The following ZFHX4 variants were observed in gnomAD, a reference collection of about 807,000 sequenced individuals.
ZFHX4 encodes the protein zinc finger homeobox protein 4.
In ZFHX4, 56 loss-of-function variants were observed where a neutral mutation model predicts 267.6. The ratio of observed to expected loss-of-function variants is 0.21; its 90% CI spans 0.17 to 0.26. The LOEUF (loss-of-function observed/expected upper bound fraction) is 0.26. Ranked by LOEUF, ZFHX4 falls within the 10% of genes least tolerant of loss-of-function variation. The probability of loss-of-function intolerance (pLI) is 1.00; values close to 1 mark genes in which losing one functional copy is unlikely to be tolerated. For synonymous variants in ZFHX4, 1,778 were observed against 1,665.6 expected (o/e 1.07, Z -1.64); for missense variants, 4,332 against 4,420.0 (o/e 0.98, Z 0.56).
chr8:76,703,977 T>C (rs1808172255), intron 1 of ZFHX4, 66 bp from the exon 2 acceptor site: 1 of 1,093,900 alleles, frequency 9.1e-7, no homozygotes, highest in Non-Finnish European at 1.3e-6. Flanking sequence ...AAATTAGTGA[T>C]GGGCTATTAG....
At chr8:76,700,421 A>G (rs972646323) in intron 1 of ZFHX4, among the ~76,000 whole-genome samples, 4 of 152,122 alleles carry the variant, frequency 2.6e-5, no homozygotes, top group African/African-American at 2.4e-5. Flanking sequence ...GACAATCTCA[A>G]TTAAAAAACA....
At chr8:76,799,442 C>A (rs577949621) in intron 4 of ZFHX4, among the ~76,000 whole-genome samples, 3 of 152,100 alleles carry the variant, frequency 2.0e-5, no homozygotes, top group Admixed American at 6.5e-5. Context: ...TTTCACCAAG[C>A]CTTCAAGACG....
chr8:76,712,557 G>A (rs548109456), intron 3 of ZFHX4, among the ~76,000 whole-genome samples: 1 of 152,036 alleles, frequency 6.6e-6, no homozygotes, highest in South Asian at 2.1e-4. Flanking sequence ...CGGTGTGATG[G>A]TAAAGGAAGT....
rs181444254 is a variant in ZFHX4 at position 76,842,968 on chromosome 8, T to G, written c.3511+197T>G. ...TATCAGTAGCCTCCCATTGACCTAT[T>G]TTTAATCATAACCATCTGACAGAAT... is the stretch of plus-strand genomic sequence containing the variant. On this transcript the variant is annotated intron_variant, in intron 6 of 10. Transcript: ENST00000651372. Among the ~76,000 whole-genome samples, 798 of 152,322 alleles carry G rather than the reference T, an allele frequency of 5.2e-3. 8 individuals carry two copies. Among genetic ancestry groups the G allele is most frequent in the African/African-American group, 0.018 (761 of 41,582 alleles).
At position 76,855,886 on chromosome 8, in the gene ZFHX4, A is replaced by G; in HGVS notation, c.8965A>G (p.Ile2989Val). 1 of 1,613,848 alleles carries G rather than the reference A, an allele frequency of 6.2e-7. No homozygotes were observed. The highest frequency in any genetic ancestry group is 1.1e-5 in the South Asian group (1 of 91,066). The change falls in exon 10 of 11, where the codon ATT (isoleucine) becomes GTT (valine). Residue 2989 changes from isoleucine to valine, a missense_variant. Physicochemically the swap from Ile to Val is conservative, Grantham distance 29. Around this residue, in one of 7 missense-constraint regions of ZFHX4, gnomAD observed 1,648 missense variants for 1,625.0 expected, o/e 1.01. Transcript: ENST00000651372. The part of the protein sequence containing the change: ...NARAKEKKFK[I>V]NIGKPFMINQ... ...AAGGGCAAAGGAAAAGAAATTTAAA[A>G]TTAACATAGGGAAGCCTTTCATGAT...
rs1416866810 is a variant in ZFHX4, at chr8:76,865,176, A to C, written c.*611A>C. The C allele has an allele frequency of 2.0e-5, 3 of 152,686 alleles. No homozygotes were observed. Among genetic ancestry groups the C allele is most frequent in the Non-Finnish European group, 4.4e-5 (3 of 68,078 alleles). The allele number at this position is 152,686 out of a possible 1,614,324, so 9.5% of individuals were successfully genotyped here. ...CTGCAGGATAGTACAGTTTTACCGCAGAGGGAATCTGGAACAGTGGAATCA... is the reference window on the plus strand; with the variant it reads ...CTGCAGGATAGTACAGTTTTACCGCCGAGGGAATCTGGAACAGTGGAATCA... On this transcript the variant is annotated 3_prime_UTR_variant, in exon 11 of 11. Transcript: ENST00000651372.
intron 3 of ZFHX4, among the ~76,000 whole-genome samples, chr8:76,761,632 T>C (rs745865934): frequency 1.9e-4 from 29 of 152,182 alleles, no homozygotes; most frequent in Non-Finnish European, 3.2e-4. Context: ...TTGGACCTCA[T>C]AGAGATGAAA....
rs1807531177 is a variant in ZFHX4 at position 76,681,593 on chromosome 8, C to A, written c.-74C>A. ...AGCAAAACAAAAAAGAGGCGAAGAT[C>A]GAGTAGGAACTGCAGGGGAAATGGA... On this transcript the variant is annotated 5_prime_UTR_variant, in exon 1 of 11. Transcript: ENST00000651372. 5.0e-6 allele frequency: 2 copies of A among 397,162 alleles called. No individual in the cohort carries two copies. Among genetic ancestry groups the A allele is most frequent in the South Asian group, 1.3e-4 (1 of 7,570 alleles). 24.6% of individuals were successfully genotyped at this position (397,162 alleles called of 1,614,324 possible).
intron 4 of ZFHX4, among the ~76,000 whole-genome samples, chr8:76,827,567 C>T (rs1327883280): frequency 1.3e-5 from 2 of 151,992 alleles, no homozygotes; most frequent in Admixed American, 1.3e-4. Flanking sequence ...TGGAGAAATA[C>T]AATAGGAATT....
chr8:76,713,325 CAGATAGAT>C (rs955016279), intron 3 of ZFHX4, among the ~76,000 whole-genome samples: 7 of 137,294 alleles, frequency 5.1e-5, no homozygotes, highest in African/African-American at 8.8e-5. Flanking sequence ...AGATGATAGA[CAGATAGAT>C]AGATATCAAT....
At chr8:76,733,924 T>C (rs1809089138) in intron 3 of ZFHX4, among the ~76,000 whole-genome samples, 1 of 152,194 alleles carries the variant, frequency 6.6e-6, no homozygotes, top group African/African-American at 2.4e-5. Context: ...TCATTGAATG[T>C]CCTCATGCAT....
intron 4 of ZFHX4, among the ~76,000 whole-genome samples, chr8:76,796,750 T>G (rs1810989338): frequency 6.6e-6 from 1 of 152,158 alleles, no homozygotes; most frequent in South Asian, 2.1e-4. Context: ...TTTGTAATGT[T>G]TTTTTGAAAA....
chr8:76,822,324 C>T (rs1318230021), intron 4 of ZFHX4, among the ~76,000 whole-genome samples: 1 of 152,122 alleles, frequency 6.6e-6, no homozygotes, highest in Non-Finnish European at 1.5e-5. Flanking sequence ...AAGACACCAT[C>T]ATCTCTGACA....
chr8:76,700,428 A>G (rs1162679121), intron 1 of ZFHX4, among the ~76,000 whole-genome samples: 1 of 152,168 alleles, frequency 6.6e-6, no homozygotes, highest in Non-Finnish European at 1.5e-5. Context: ...TCAATTAAAA[A>G]ACAGAGGTAA....
At position 76,861,331 on chromosome 8, in the gene ZFHX4, G is replaced by A. The variant is rs1247642080; in HGVS notation, c.9380-1763G>A. On this transcript the variant is annotated intron_variant, in intron 10 of 10. Coordinates refer to ENST00000651372, the MANE Select transcript of ZFHX4 (RefSeq NM_024721.5). ...ATTGGAGTGACAGCTGTAAAATTTA[G>A]TCTCCTCTAGCTCATCTGCCATTGA... is the stretch of plus-strand genomic sequence containing the variant. 2.6e-5 allele frequency among the ~76,000 whole-genome samples: 4 copies of A among 152,080 alleles called. No homozygotes were observed. The East Asian group carries it at 5.8e-4, about 22-fold the overall frequency.
In ZFHX4 at chr8:76,851,253, G is replaced by A. The variant is rs1449188352; in HGVS notation, c.4332G>A (p.Leu1444=). 1 of 1,613,662 alleles carries A rather than the reference G, an allele frequency of 6.2e-7. No individual in the cohort carries two copies. Among genetic ancestry groups the A allele is most frequent in the Non-Finnish European group, 8.5e-7 (1 of 1,179,840 alleles). ...FRTFQALKKH[L]EAGHPELSEA... is the part of the protein sequence containing the mutation. ...CATTCCAGGCTTTAAAAAAACACTTGGAAGCAGGCCACCCTGAACTGAGTG... is the reference window on the plus strand; with the variant it reads ...CATTCCAGGCTTTAAAAAAACACTTAGAAGCAGGCCACCCTGAACTGAGTG... The change falls in exon 10 of 11, where the codon TTG becomes TTA. Residue 1444 remains leucine, a synonymous_variant. Coordinates refer to ENST00000651372, the MANE Select transcript of ZFHX4 (RefSeq NM_024721.5).
At chr8:76,818,751 T>C (rs1811569307) in intron 4 of ZFHX4, among the ~76,000 whole-genome samples, 1 of 151,980 alleles carries the variant, frequency 6.6e-6, no homozygotes, top group Non-Finnish European at 1.5e-5. Context: ...ACCTTGTCTC[T>C]ACTAAAAATA....
chr8:76,726,614 A>G (rs1460203617), intron 3 of ZFHX4, among the ~76,000 whole-genome samples: 1 of 152,136 alleles, frequency 6.6e-6, no homozygotes, highest in Non-Finnish European at 1.5e-5. Context: ...AACTCATATT[A>G]TGGATATATT....
intron 3 of ZFHX4, among the ~76,000 whole-genome samples, chr8:76,742,080 G>A (rs76252878): frequency 0.01 from 1,536 of 152,328 alleles, 25 homozygotes; most frequent in African/African-American, 0.034. Context: ...TCCAGCTAAT[G>A]TGTTGCTAGA....
Sources: allele counts gnomAD v4.1 joint callset (sites outside exome capture counted in the v4.1 genomes callset), GRCh38; gene constraint gnomAD v4.1.1; regional missense constraint gnomAD v4.1.1; transcripts MANE v1.5; gene names NCBI Gene and HGNC (gene_info 2026-07-23, HGNC 2026-07-21).